USP26: variants seen among roughly 807,000 people sequenced by gnomAD.
USP26 encodes ubiquitin carboxyl-terminal hydrolase 26.
For missense variants in USP26, 649 were observed against 642.3 expected, an observed-to-expected ratio of 1.01 and a Z score of -0.11; for synonymous variants, 236 against 240.6, an observed-to-expected ratio of 0.98 and a Z score of 0.18.
intron 5 of USP26, among the ~76,000 whole-genome samples, chrX:133,060,755 A>G (rs992083268): frequency 8.9e-6 from 1 of 112,135 alleles, no homozygotes; most frequent in Non-Finnish European, 1.9e-5. Flanking sequence ...TTATCAGAAT[A>G]GTTTAAGACT....
chrX:133,053,827 C>G (rs1441802444), intron 5 of USP26, among the ~76,000 whole-genome samples: 1 of 111,592 alleles, frequency 9.0e-6, no homozygotes, highest in African/African-American at 3.3e-5. Context: ...TAGGTAAATT[C>G]AGGTCAGAGA....
intron 4 of USP26, among the ~76,000 whole-genome samples, chrX:133,086,650 G>C (rs187648880): frequency 9.0e-6 from 1 of 110,703 alleles, no homozygotes; most frequent in East Asian, 2.8e-4. Context: ...AGTGGCTCAC[G>C]CCTGTAATCC....
chrX:133,067,075 G>GA (rs1455870271), intron 5 of USP26, among the ~76,000 whole-genome samples: 1 of 112,324 alleles, frequency 8.9e-6, no homozygotes, highest in Non-Finnish European at 1.9e-5. Context: ...AATATGAACA[G>GA]ACAATTCTCA....
rs1242510181 is a variant in USP26 at position 133,027,837 on chromosome X, G to A, written c.384C>T (p.Asn128=). ...VFSSTTQKEI[N]KTSFHKVDEK... ...CATCAACTTTGTGGAATGAAGTTTT[G>A]TTGATTTCCTTCTGTGTTGTGCTAG... The change falls in exon 6 of 6, where the codon AAC becomes AAT. Residue 128 remains asparagine, a synonymous_variant. Coordinates refer to ENST00000511190, the MANE Select transcript of USP26 (RefSeq NM_031907.3). The A allele has an allele frequency of 3.3e-6, 4 of 1,204,987 alleles. No individual in the cohort carries two copies. Among genetic ancestry groups the A allele is most frequent in the Non-Finnish European group, 4.5e-6 (4 of 892,580 alleles).
intron 5 of USP26, among the ~76,000 whole-genome samples, chrX:133,080,975 G>T (rs1039114611): frequency 7.2e-5 from 8 of 111,165 alleles, no homozygotes; most frequent in African/African-American, 2.6e-4. Flanking sequence ...TTCTCAGACG[G>T]TGATACCCTT....
At chrX:133,073,652 C>T (rs1309577944) in intron 5 of USP26, among the ~76,000 whole-genome samples, 1 of 111,366 alleles carries the variant, frequency 9.0e-6, no homozygotes, top group African/African-American at 3.3e-5. Flanking sequence ...CTCTCCCCTT[C>T]TACCCCTAAT....
chrX:133,069,123 C>T (rs1274495972), intron 5 of USP26, among the ~76,000 whole-genome samples: 1 of 111,270 alleles, frequency 9.0e-6, no homozygotes, highest in Non-Finnish European at 1.9e-5. Context: ...TCAGTTGTAG[C>T]ACAGTTCACA....
intron 1 of USP26, among the ~76,000 whole-genome samples, chrX:133,095,953 C>T (rs2067628323): frequency 9.1e-6 from 1 of 109,711 alleles, no homozygotes; most frequent in African/African-American, 3.3e-5. Flanking sequence ...CCGTGTTGAC[C>T]AGGCTAGTCT....
chrX:133,039,618 G>A (rs758641800), intron 5 of USP26, among the ~76,000 whole-genome samples: 42 of 111,828 alleles, frequency 3.8e-4, no homozygotes, highest in African/African-American at 1.1e-3. Context: ...GCTTTGTGGT[G>A]CTGAAAGGAG....
Position 133,028,098 on chromosome X carries a change from A to T in USP26, c.123T>A (p.Tyr41Ter), listed in dbSNP as rs769700132. The T allele has an allele frequency of 1.5e-5, 18 of 1,211,317 alleles. No homozygotes were observed. The Admixed American group carries it at 3.7e-4, about 25-fold the overall frequency. Residue 41 changes from tyrosine to a stop codon, truncating the protein, a stop_gained, in exon 6 of 6, where the codon TAT (tyrosine) becomes TAA (stop). Transcript: ENST00000511190. LOFTEE classifies it low-confidence loss of function (END_TRUNC). ...AAGTGCTATATTTTCCACTTTTGAA[A>T]TACAGCACCAGTCTATCTTTCTTCT... ...ERKKKDRLVL[Y>*]FKSGKYSTFR... is the part of the protein sequence containing the mutation.
intron 5 of USP26, among the ~76,000 whole-genome samples, chrX:133,043,147 G>C (rs1211091534): frequency 8.9e-6 from 1 of 111,888 alleles, no homozygotes; most frequent in African/African-American, 3.3e-5. Context: ...ACCAGAAAAA[G>C]GATGAGAATT....
chrX:133,068,616 T>C (rs749408430), intron 5 of USP26, among the ~76,000 whole-genome samples: 8 of 112,255 alleles, frequency 7.1e-5, no homozygotes, highest in Non-Finnish European at 1.3e-4. Context: ...CCATTGCCTG[T>C]AGGCAGAAGG....
chrX:133,075,583 A>G (rs1232925173), intron 5 of USP26, among the ~76,000 whole-genome samples: 1 of 112,062 alleles, frequency 8.9e-6, no homozygotes, highest in Non-Finnish European at 1.9e-5. Flanking sequence ...TAAGAGCAGC[A>G]TTCCAGGCAG....
rs1249466991 is a variant in USP26, at chrX:133,023,182, T to C, written c.*2297A>G. Among the ~76,000 whole-genome samples the C allele has an allele frequency of 8.9e-6, 1 of 111,849 alleles. No homozygotes were observed. Among genetic ancestry groups the C allele is most frequent in the Non-Finnish European group, 1.9e-5 (1 of 53,221 alleles). On this transcript the variant is annotated 3_prime_UTR_variant, in exon 6 of 6. Coordinates refer to ENST00000511190, the MANE Select transcript of USP26 (RefSeq NM_031907.3). ...AGTCACTTAACAACTTTTAATCTTT[T>C]ATTTGAAAACATACCATGTAGATAC... is the stretch of plus-strand genomic sequence containing the variant.
At chrX:133,089,003 CAAT>C (rs2067598847) in intron 4 of USP26, among the ~76,000 whole-genome samples, 1 of 105,404 alleles carries the variant, frequency 9.5e-6, no homozygotes. Context: ...GAAATAACAA[CAAT>C]GATTTCCACC....
At chrX:133,087,403 T>A (rs1439411757) in intron 4 of USP26, among the ~76,000 whole-genome samples, 1 of 111,768 alleles carries the variant, frequency 8.9e-6, no homozygotes, top group Non-Finnish European at 1.9e-5. Flanking sequence ...AGTAATTTTT[T>A]AATTTATTCA....
At position 133,069,010 on chromosome X, in the gene USP26, T is replaced by A. The variant is rs1022244784; in HGVS notation, c.-77+14697A>T. Among the ~76,000 whole-genome samples the A allele has an allele frequency of 9.8e-5, 11 of 111,865 alleles. No individual in the cohort carries two copies. The East Asian group carries it at 2.8e-3, about 29-fold the overall frequency. Reference sequence around the variant, plus strand: ...CTCCTACGCAAGTAACATGTCCTCTTCTTCCATTTGTTATTCGAGATGTTT... The same window carrying A: ...CTCCTACGCAAGTAACATGTCCTCTACTTCCATTTGTTATTCGAGATGTTT... On this transcript the variant is annotated intron_variant, in intron 5 of 5. Transcript: ENST00000511190.
At chrX:133,067,787 C>T (rs1049303401) in intron 5 of USP26, among the ~76,000 whole-genome samples, 1 of 111,527 alleles carries the variant, frequency 9.0e-6, no homozygotes, top group Non-Finnish European at 1.9e-5. Flanking sequence ...GGCTTAAAAC[C>T]TAGATGATGT....
At chrX:133,067,913 T>C (rs1453500912) in intron 5 of USP26, among the ~76,000 whole-genome samples, 1 of 111,776 alleles carries the variant, frequency 8.9e-6, no homozygotes. Flanking sequence ...GCAGCTTATG[T>C]TAACAATGAA....
Sources: allele counts gnomAD v4.1 joint callset (sites outside exome capture counted in the v4.1 genomes callset), GRCh38; gene constraint gnomAD v4.1.1; transcripts MANE v1.5; gene names NCBI Gene and HGNC (gene_info 2026-07-23, HGNC 2026-07-21).